The following P2RX7 variants were observed in gnomAD, a reference collection of about 807,000 sequenced individuals.
P2RX7 encodes purinergic receptor P2X 7, also known as P2X purinoceptor 7.
P2RX7 carries 62 observed loss-of-function variants against 71.6 expected under a neutral mutation model. The observed-to-expected ratio is 0.87, with a 90% CI of 0.71 to 1.07. The LOEUF is 1.07. Ranked by LOEUF, P2RX7 falls within the 50% of genes least tolerant of loss-of-function variation. The pLI, the probability that P2RX7 is intolerant of heterozygous loss-of-function variation, is 0.00. For synonymous variants in P2RX7, 299 were observed against 283.3 expected (o/e 1.06, Z -0.56); for missense variants, 686 against 748.5 (o/e 0.92, Z 0.97).
At chr12:121,178,723 C>G (rs1593146876) in intron 11 of P2RX7, among the ~76,000 whole-genome samples, 1 of 139,102 alleles carries the variant, frequency 7.2e-6, no homozygotes, top group Non-Finnish European at 1.5e-5. Context: ...ACCTGGTAGG[C>G]AGAGGTTGCA....
At chr12:121,143,058 G>A (rs1433224695) in intron 1 of P2RX7, among the ~76,000 whole-genome samples, 1 of 150,448 alleles carries the variant, frequency 6.6e-6, no homozygotes, top group Non-Finnish European at 1.5e-5. Context: ...TTCCAGCCTG[G>A]GGGACAGAGT....
chr12:121,153,135 G>T (rs1877803201), intron 1 of P2RX7, among the ~76,000 whole-genome samples: 1 of 152,164 alleles, frequency 6.6e-6, no homozygotes, highest in South Asian at 2.1e-4. Flanking sequence ...TGGGTATCTG[G>T]ATAACTCCCC....
Position 121,177,330 on chromosome 12 carries a change from T to TA in P2RX7, c.1073dup (p.Tyr358Ter). 6.2e-7 allele frequency: 1 copy of TA among 1,614,056 alleles called. No homozygotes were observed. Among genetic ancestry groups the TA allele is most frequent in the Non-Finnish European group, 8.5e-7 (1 of 1,180,004 alleles). ...AVFIDFLIDT[Y>*]SSNCCRSHIY... ...GTTCATCGACTTCCTCATCGACACT[T>TA]ACTCCAGTAACTGCTGTCGCTCCCA... The change falls in exon 11 of 13, where the codon TAC becomes TAAC. Residue 358 changes from tyrosine (Y) to a stop codon, truncating the protein, a stop_gained and frameshift_variant. Coordinates refer to ENST00000328963, the MANE Select transcript of P2RX7 (RefSeq NM_002562.6). LOFTEE classifies it high-confidence loss of function.
intron 5 of P2RX7, among the ~76,000 whole-genome samples, chr12:121,164,897 C>T (rs1253518314): frequency 6.6e-6 from 1 of 152,182 alleles, no homozygotes; most frequent in Admixed American, 6.5e-5. Flanking sequence ...AGGAGACTTA[C>T]AATCATGGCA....
chr12:121,172,930 T>C (rs564108109), intron 8 of P2RX7, among the ~76,000 whole-genome samples: 14 of 145,092 alleles, frequency 9.6e-5, no homozygotes, highest in African/African-American at 3.6e-4. Flanking sequence ...AACATGTATA[T>C]GTAACTTTAT....
Position 121,187,093 on chromosome 12 carries a change from T to C in P2RX7, c.*2291T>C, listed in dbSNP as rs1199439141. 6.6e-6 allele frequency: 1 copy of C among 152,234 alleles called. No homozygotes were observed. Among genetic ancestry groups the C allele is most frequent in the Admixed American group, 6.5e-5 (1 of 15,286 alleles). 9.4% of individuals were successfully genotyped at this position (152,234 alleles called of 1,614,324 possible). Reference sequence around the variant, plus strand: ...CAGGTTTTAGGATCCTGCTTCAGGATTTCCTTTTCCTGGTTTGGTCACTAG... The same window carrying C: ...CAGGTTTTAGGATCCTGCTTCAGGACTTCCTTTTCCTGGTTTGGTCACTAG... On this transcript the variant is annotated 3_prime_UTR_variant, in exon 13 of 13. Coordinates refer to ENST00000328963, the MANE Select transcript of P2RX7 (RefSeq NM_002562.6).
intron 7 of P2RX7, 144 bp from the exon 8 acceptor site, chr12:121,167,344 G>A: frequency 1.2e-6 from 1 of 841,992 alleles, no homozygotes; most frequent in Non-Finnish European, 1.9e-6. Context: ...ACTTGTGCGA[G>A]TTAGGTGGGG....
chr12:121,167,648 C>T (rs200932285), intron 8 of P2RX7, 24 bp downstream of exon 8: 132 of 1,505,742 alleles, frequency 8.8e-5, no homozygotes, highest in Non-Finnish European at 1.1e-4. Flanking sequence ...CCAGGTCAAA[C>T]TCACCCAGTG....
Sources: allele counts gnomAD v4.1 joint callset (sites outside exome capture counted in the v4.1 genomes callset), GRCh38; gene constraint gnomAD v4.1.1; transcripts MANE v1.5; gene names NCBI Gene and HGNC (gene_info 2026-07-23, HGNC 2026-07-21).